The following MYRIP variants were observed in gnomAD, a reference collection of about 807,000 sequenced individuals.
MYRIP encodes the protein myosin VIIA and Rab interacting protein.
A neutral mutation model predicts 98.0 loss-of-function variants in MYRIP; 49 were observed. The ratio of observed to expected loss-of-function variants is 0.50; its 90% CI spans 0.40 to 0.63. The LOEUF is 0.63. Ranked by LOEUF, MYRIP falls within the 30% of genes least tolerant of loss-of-function variation. The pLI is 0.00. For missense variants in MYRIP, 1,004 were observed against 1,058.2 expected, an observed-to-expected ratio of 0.95 and a Z score of 0.71; for synonymous variants, 404 against 409.5, an observed-to-expected ratio of 0.99 and a Z score of 0.16.
chr3:40,114,634 CAAGG>C (rs1559406549), intron 3 of MYRIP, among the ~76,000 whole-genome samples: 1 of 152,170 alleles, frequency 6.6e-6, no homozygotes, highest in African/African-American at 2.4e-5. Context: ...AGTTCAGAGA[CAAGG>C]AAGCCTTTGA....
intron 1 of MYRIP, among the ~76,000 whole-genome samples, chr3:39,877,511 T>G (rs1943033045): frequency 1.3e-5 from 2 of 152,164 alleles, no homozygotes; most frequent in South Asian, 4.1e-4. Flanking sequence ...GATGTGCAGA[T>G]GGGTTTTTGG....
At chr3:40,221,850 A>G (rs1952347067) in intron 11 of MYRIP, among the ~76,000 whole-genome samples, 1 of 152,228 alleles carries the variant, frequency 6.6e-6, no homozygotes, top group African/African-American at 2.4e-5. Context: ...TAGTTCATCA[A>G]GCATTGTGTT....
chr3:40,154,198 A>T (rs949507780), intron 4 of MYRIP, among the ~76,000 whole-genome samples: 4 of 151,922 alleles, frequency 2.6e-5, no homozygotes, highest in African/African-American at 9.7e-5. Context: ...CGTATCACCC[A>T]TCACATACAC....
intron 1 of MYRIP, among the ~76,000 whole-genome samples, chr3:39,870,655 C>A (rs1942761160): frequency 6.6e-6 from 1 of 152,100 alleles, no homozygotes; most frequent in South Asian, 2.1e-4. Flanking sequence ...AAAATATAAA[C>A]TTGGATGCAA....
intron 1 of MYRIP, among the ~76,000 whole-genome samples, chr3:39,864,248 G>C (rs1326239088): frequency 6.6e-6 from 1 of 152,044 alleles, no homozygotes; most frequent in Non-Finnish European, 1.5e-5. Context: ...TACAAAACAA[G>C]GATGCCCTTT....
chr3:40,096,028 C>T (rs1235641765), intron 3 of MYRIP, among the ~76,000 whole-genome samples: 3 of 151,782 alleles, frequency 2.0e-5, no homozygotes, highest in African/African-American at 4.8e-5. Flanking sequence ...TACCATAACA[C>T]TCCACCATCC....
chr3:39,968,768 C>G (rs1395909760), intron 2 of MYRIP, among the ~76,000 whole-genome samples: 1 of 152,106 alleles, frequency 6.6e-6, no homozygotes, highest in Admixed American at 6.6e-5. Context: ...ATACCTCCAG[C>G]TTTGTTCATT....
chr3:40,172,231 G>A (rs1330994350), intron 8 of MYRIP, among the ~76,000 whole-genome samples: 3 of 152,162 alleles, frequency 2.0e-5, no homozygotes, highest in East Asian at 3.8e-4. Flanking sequence ...AAAAACACAG[G>A]GGTATATATT....
chr3:40,245,909 G>A (rs1953183532), intron 13 of MYRIP, among the ~76,000 whole-genome samples: 1 of 118,626 alleles, frequency 8.4e-6, no homozygotes, highest in African/African-American at 3.8e-5. Context: ...ACCACACCCA[G>A]CTAATTTTTT....
At chr3:40,097,566 C>G (rs1178010508) in intron 3 of MYRIP, among the ~76,000 whole-genome samples, 1 of 151,952 alleles carries the variant, frequency 6.6e-6, no homozygotes, top group East Asian at 1.9e-4. Flanking sequence ...TATTCAGAGC[C>G]GTGAAGTCCA....
intron 3 of MYRIP, among the ~76,000 whole-genome samples, chr3:40,044,608 A>C (rs1417527441): frequency 6.6e-6 from 1 of 152,178 alleles, no homozygotes. Context: ...TTGGATTCTT[A>C]GGAATTATGC....
At chr3:40,023,906 G>T (rs1947062076) in intron 2 of MYRIP, among the ~76,000 whole-genome samples, 1 of 152,132 alleles carries the variant, frequency 6.6e-6, no homozygotes, top group Non-Finnish European at 1.5e-5. Context: ...ATGTAACAGG[G>T]TGTCATGGGT....
intron 2 of MYRIP, among the ~76,000 whole-genome samples, chr3:39,974,719 T>C (rs1945698758): frequency 6.6e-6 from 1 of 152,178 alleles, no homozygotes; most frequent in Non-Finnish European, 1.5e-5. Context: ...GTGGGCTTCA[T>C]CCCTGGGATG....
intron 2 of MYRIP, among the ~76,000 whole-genome samples, chr3:39,961,592 A>G (rs1407537100): frequency 6.6e-6 from 1 of 152,054 alleles, no homozygotes; most frequent in Non-Finnish European, 1.5e-5. Context: ...GGTTTGAAGG[A>G]CAAAATCAAC....
chr3:39,974,089 T>C (rs1045856884), intron 2 of MYRIP, among the ~76,000 whole-genome samples: 1 of 151,508 alleles, frequency 6.6e-6, no homozygotes, highest in Non-Finnish European at 1.5e-5. Flanking sequence ...AAAAACCCTA[T>C]AAAAAAATCA....
At position 40,250,280 on chromosome 3, in the gene MYRIP, C is replaced by A. The variant is rs765462733; in HGVS notation, c.2321C>A (p.Pro774Gln). 1 of 1,614,128 alleles carries A rather than the reference C, an allele frequency of 6.2e-7. No homozygotes were observed. Among genetic ancestry groups the A allele is most frequent in the South Asian group, 1.1e-5 (1 of 91,076 alleles). ...ACCATTGCAGGATTAAACATAGCAC[C>A]ATGTGTGCGCTTCACAAGAAGACGG... ...ALTIAGLNIA[P>Q]CVRFTRRRDQ... The change falls in exon 14 of 17, where the codon CCA becomes CAA. Residue 774 changes from proline (P) to glutamine (Q), a missense_variant. Transcript: ENST00000302541.
At chr3:39,962,043 G>A (rs1047364778) in intron 2 of MYRIP, among the ~76,000 whole-genome samples, 1 of 152,228 alleles carries the variant, frequency 6.6e-6, no homozygotes, top group South Asian at 2.1e-4. Flanking sequence ...GAATAGTATA[G>A]CATGGTAATC....
chr3:39,984,193 G>GCTTATTTTATTTTAT (rs1945968695), intron 2 of MYRIP, among the ~76,000 whole-genome samples: 1 of 145,566 alleles, frequency 6.9e-6, no homozygotes, highest in African/African-American at 2.6e-5. Context: ...TGTAAGGAAA[G>GCTTATTTTATTTTAT]TTTATTTTAT....
intron 1 of MYRIP, among the ~76,000 whole-genome samples, chr3:39,839,789 G>A (rs1236736351): frequency 6.6e-6 from 1 of 152,182 alleles, no homozygotes; most frequent in Non-Finnish European, 1.5e-5. Flanking sequence ...TGTATTTTGA[G>A]TGAGTTTCTT....
Sources: gnomAD v4.1 joint callset for allele counts (sites outside exome capture counted in the v4.1 genomes callset) on GRCh38, gnomAD v4.1.1 for gene constraint, MANE v1.5 for transcripts, NCBI Gene and HGNC (gene_info 2026-07-23, HGNC 2026-07-21) for gene names.